The following GAS2L3 variants were observed in gnomAD, a reference collection of about 807,000 sequenced individuals.
The protein encoded by GAS2L3 is GAS2-like protein 3.
Under a neutral mutation model 37.0 loss-of-function variants are expected in GAS2L3, and 28 were observed. The observed-to-expected ratio is 0.76, with a 90% CI of 0.56 to 1.04. The LOEUF is 1.04. GAS2L3 is among the 50% of genes least tolerant of loss of function. The pLI is 0.00. For synonymous variants in GAS2L3, 290 were observed against 296.6 expected (o/e 0.98, Z 0.23); for missense variants, 793 against 817.6 (o/e 0.97, Z 0.37).
chr12:100,624,431 A>G lies in GAS2L3; in HGVS notation c.1626A>G (p.Gly542=). The G allele has an allele frequency of 1.9e-6, 3 of 1,614,052 alleles. No homozygotes were observed. Among genetic ancestry groups the G allele is most frequent in the South Asian group, 1.1e-5 (1 of 91,082 alleles). ...GLGTQSQPSD[G]APQAKPVPAQ... ...GAACACAGTCTCAACCATCCGATGG[A>G]GCCCCACAAGCAAAGCCAGTCCCAG... The change falls in exon 10 of 10, where the codon GGA becomes GGG. Residue 542 remains glycine (G), a synonymous_variant. Coordinates refer to ENST00000547754, the MANE Select transcript of GAS2L3 (RefSeq NM_174942.3).
chr12:100,575,016 G>A (rs1302128675), intron 1 of GAS2L3, among the ~76,000 whole-genome samples: 1 of 151,980 alleles, frequency 6.6e-6, no homozygotes, highest in Admixed American at 6.6e-5. Flanking sequence ...TTGCTAAGCA[G>A]GGGGGCTCTG....
intron 5 of GAS2L3, among the ~76,000 whole-genome samples, chr12:100,606,194 C>T (rs1211347945): frequency 6.6e-6 from 1 of 151,922 alleles, no homozygotes; most frequent in Non-Finnish European, 1.5e-5. Flanking sequence ...TATATATTTA[C>T]AATTTTTATA....
intron 9 of GAS2L3, among the ~76,000 whole-genome samples, chr12:100,623,335 C>A (rs1487817515): frequency 1.3e-5 from 2 of 152,118 alleles, no homozygotes; most frequent in African/African-American, 2.4e-5. Flanking sequence ...TATGTAAATA[C>A]CTTCCTTACA....
At chr12:100,584,349 T>G (rs1955751514) in intron 1 of GAS2L3, among the ~76,000 whole-genome samples, 1 of 152,216 alleles carries the variant, frequency 6.6e-6, no homozygotes, top group Non-Finnish European at 1.5e-5. Context: ...TCTCCAACTG[T>G]TTCTTCTCTG....
intron 5 of GAS2L3, 52 bp from the exon 6 acceptor site, chr12:100,611,948 T>A: frequency 8.1e-7 from 1 of 1,239,276 alleles, no homozygotes; most frequent in Non-Finnish European, 1.2e-6. Flanking sequence ...AATGAATGTT[T>A]AATGAAAGTA....
chr12:100,624,083 T>G lies in GAS2L3; in HGVS notation c.1278T>G (p.Pro426=), dbSNP rs768675872. Residue 426 remains proline, a synonymous_variant, in exon 10 of 10, where the codon CCT becomes CCG. Coordinates refer to ENST00000547754, the MANE Select transcript of GAS2L3 (RefSeq NM_174942.3). ...TSSPALPRTA[P]CISESPRKCI... is the part of the protein sequence containing the mutation. ...CACCAGCTTTACCAAGAACTGCACC[T>G]TGTATATCTGAGTCACCGAGAAAAT... The G allele has an allele frequency of 9.3e-6, 15 of 1,613,968 alleles. No homozygotes were observed. Among genetic ancestry groups the G allele is most frequent in the Non-Finnish European group, 1.2e-5 (14 of 1,179,982 alleles).
intron 2 of GAS2L3, among the ~76,000 whole-genome samples, chr12:100,593,225 A>G (rs1955867973): frequency 6.6e-6 from 1 of 152,168 alleles, no homozygotes; most frequent in African/African-American, 2.4e-5. Context: ...TGAAAAGCAC[A>G]TGCTCATGTA....
At chr12:100,615,844 T>C (rs185368606) in intron 6 of GAS2L3, among the ~76,000 whole-genome samples, 12 of 152,340 alleles carry the variant, frequency 7.9e-5, no homozygotes, top group African/African-American at 2.9e-4. Context: ...TCCATTGGTC[T>C]GTACATCTAT....
At chr12:100,580,170 GA>G (rs1955693166) in intron 1 of GAS2L3, 2 of 743,388 alleles carry the variant, frequency 2.7e-6, no homozygotes, top group Non-Finnish European at 5.0e-6. Context: ...GAGGGGGTGA[GA>G]ATATTAAGAT....
chr12:100,625,451 T>A lies in GAS2L3; in HGVS notation c.*561T>A, dbSNP rs1956322998. 1 of 152,184 alleles carries A rather than the reference T, an allele frequency of 6.6e-6. No homozygotes were observed. Among genetic ancestry groups the A allele is most frequent in the South Asian group, 2.1e-4 (1 of 4,834 alleles). The allele number at this position is 152,184 out of a possible 1,614,324, so 9.4% of individuals were successfully genotyped here. On this transcript the variant is annotated 3_prime_UTR_variant, in exon 10 of 10. Transcript: ENST00000547754. ...TGGCATTATTCTGTGTTAGGTAGAA[T>A]TCTTATTATTTATTTTTTTAAGCTT...
chr12:100,601,066 T>A (rs1442935317), intron 4 of GAS2L3, among the ~76,000 whole-genome samples: 1 of 152,080 alleles, frequency 6.6e-6, no homozygotes, highest in Non-Finnish European at 1.5e-5. Flanking sequence ...TTAAGCTTTC[T>A]CCCCAGAAAA....
At chr12:100,607,410 G>T (rs1300452583) in intron 5 of GAS2L3, among the ~76,000 whole-genome samples, 1 of 152,042 alleles carries the variant, frequency 6.6e-6, no homozygotes, top group South Asian at 2.1e-4. Flanking sequence ...TGTTCTTTGG[G>T]TTAAATCTGC....
rs780048838 is a variant in GAS2L3 at position 100,600,555 on chromosome 12, G to A, written c.187+5G>A. The A allele has an allele frequency of 2.7e-5, 44 of 1,610,352 alleles. No homozygotes were observed. Among genetic ancestry groups the A allele is most frequent in the Non-Finnish European group, 7.6e-6 (9 of 1,177,636 alleles). On this transcript the variant is annotated splice_donor_5th_base_variant and intron_variant, in intron 4 of 9. Transcript: ENST00000547754. ...TCTGGTTATCTGGTTTATTAGGTGA[G>A]GCTTGAAACAATACCCAAAATTGTA...
Position 100,626,619 on chromosome 12 carries a change from C to T in GAS2L3, c.*1729C>T, listed in dbSNP as rs555140870. 101 of 152,244 alleles carry T rather than the reference C, an allele frequency of 6.6e-4. No individual in the cohort carries two copies. The highest frequency in any genetic ancestry group is 2.2e-3 in the African/African-American group (90 of 41,540). 9.4% of individuals were successfully genotyped at this position (152,244 alleles called of 1,614,324 possible). A position where few individuals can be genotyped will look rare whatever the true frequency, so the allele number is the denominator to read the frequency against. On this transcript the variant is annotated 3_prime_UTR_variant, in exon 10 of 10. Transcript: ENST00000547754. ...TCCCTTATAAAACCAAGTAACACTT[C>T]TTTATCAGTAACTTTTAGAACTTAA... is the stretch of plus-strand genomic sequence containing the variant.
At chr12:100,579,979 T>A (rs1955689531) in intron 1 of GAS2L3, 1 of 911,928 alleles carries the variant, frequency 1.1e-6, no homozygotes. Flanking sequence ...GACAAACAAC[T>A]GGACAGACTT....
At chr12:100,609,345 C>T (rs1032724154) in intron 5 of GAS2L3, among the ~76,000 whole-genome samples, 2 of 152,182 alleles carry the variant, frequency 1.3e-5, no homozygotes, top group Non-Finnish European at 2.9e-5. Context: ...GCTGGTTATT[C>T]GGGGCCCAGG....
At chr12:100,621,881 G>C (rs905933267) in intron 8 of GAS2L3, among the ~76,000 whole-genome samples, 2 of 128,840 alleles carry the variant, frequency 1.6e-5, no homozygotes, top group African/African-American at 3.0e-5. Flanking sequence ...GGGTGGGGGG[G>C]GGAGAGAGAG....
At chr12:100,579,023 C>A in intron 1 of GAS2L3, 1 of 807,658 alleles carries the variant, frequency 1.2e-6, no homozygotes, top group South Asian at 1.3e-5. Context: ...TTACTTGCCT[C>A]TGAAAGTCAT....
chr12:100,624,029 A>G lies in GAS2L3; in HGVS notation c.1224A>G (p.Ser408=), dbSNP rs1956296113. ...PSNNASSSLA[S]LNPVGKNTSS... Reference sequence around the variant, plus strand: ...ACAATGCATCATCTTCACTTGCTTCATTAAATCCAGTAGGTAAAAACACTT... The same window carrying G: ...ACAATGCATCATCTTCACTTGCTTCGTTAAATCCAGTAGGTAAAAACACTT... The change falls in exon 10 of 10, where the codon TCA becomes TCG. Residue 408 remains serine, a synonymous_variant. Coordinates refer to ENST00000547754, the MANE Select transcript of GAS2L3 (RefSeq NM_174942.3). The G allele has an allele frequency of 1.9e-6, 3 of 1,614,058 alleles. No individual in the cohort carries two copies. Among genetic ancestry groups the G allele is most frequent in the South Asian group, 1.1e-5 (1 of 91,088 alleles).
Sources: gnomAD v4.1 joint callset for allele counts (sites outside exome capture counted in the v4.1 genomes callset) on GRCh38, gnomAD v4.1.1 for gene constraint, MANE v1.5 for transcripts, NCBI Gene and HGNC (gene_info 2026-07-23, HGNC 2026-07-21) for gene names.